The following EVI5 variants were observed in gnomAD, a reference collection of about 807,000 sequenced individuals.
EVI5 encodes ecotropic viral integration site 5 protein homolog.
In EVI5, 73 loss-of-function variants were observed where a neutral mutation model predicts 112.0. That is an observed-to-expected ratio of 0.65 (90% CI 0.54 to 0.79). The LOEUF is 0.79. Among genes scored for constraint, EVI5 ranks in the 30% least tolerant of loss-of-function variants. The pLI, the probability that EVI5 is intolerant of heterozygous loss-of-function variation, is 0.00. For missense variants in EVI5, 900 were observed against 968.8 expected, an observed-to-expected ratio of 0.93 and a Z score of 0.94; for synonymous variants, 305 against 319.9, an observed-to-expected ratio of 0.95 and a Z score of 0.50.
chr1:92,553,977 T>C (rs867811049), intron 19 of EVI5, among the ~76,000 whole-genome samples: 10 of 152,346 alleles, frequency 6.6e-5, no homozygotes, highest in African/African-American at 2.2e-4. Flanking sequence ...ATGAATTGGA[T>C]TGACTTTTTG....
intron 2 of EVI5, among the ~76,000 whole-genome samples, chr1:92,718,220 T>C (rs1470468315): frequency 1.3e-5 from 2 of 152,060 alleles, no homozygotes; most frequent in Admixed American, 6.6e-5. Flanking sequence ...AACTCTCCAC[T>C]GCAAATCAAC....
chr1:92,786,077 C>T (rs1362477661), upstream of EVI5, among the ~76,000 whole-genome samples: 1 of 137,436 alleles, frequency 7.3e-6, no homozygotes. Context: ...GGCGACAGAA[C>T]GATACTCTGT....
At chr1:92,738,657 C>T (rs1351224351) in intron 1 of EVI5, among the ~76,000 whole-genome samples, 1 of 152,088 alleles carries the variant, frequency 6.6e-6, no homozygotes, top group Non-Finnish European at 1.5e-5. Context: ...GGAATTCAGC[C>T]TATAACTACT....
intron 2 of EVI5, among the ~76,000 whole-genome samples, chr1:92,731,775 A>G (rs1430361826): frequency 3.9e-5 from 6 of 152,220 alleles, no homozygotes; most frequent in African/African-American, 4.8e-5. Flanking sequence ...ACAAAAATGC[A>G]AAAGTAATTA....
rs1356647020 is a variant in EVI5, at chr1:92,574,952, A to G, written c.2071-11215T>C. The stretch of plus-strand genomic sequence containing the variant: ...CCATAGGTTTTAAAATACACTACAC[A>G]ATTGGACAGGTTGCTTACAAGTTGT... On this transcript the variant is annotated intron_variant, in intron 18 of 19. Coordinates refer to ENST00000684568, the MANE Select transcript of EVI5 (RefSeq NM_001350197.2). 2.6e-5 allele frequency among the ~76,000 whole-genome samples: 4 copies of G among 152,186 alleles called. No homozygotes were observed. In the East Asian group the frequency reaches 5.8e-4, roughly 22 times the overall value.
At chr1:92,725,469 G>A (rs6700724) in intron 2 of EVI5, among the ~76,000 whole-genome samples, 3 of 151,958 alleles carry the variant, frequency 2.0e-5, no homozygotes, top group East Asian at 3.9e-4. Flanking sequence ...AGTCAAACAC[G>A]ACAAGATAAA....
At position 92,663,462 on chromosome 1, in the gene EVI5, G is replaced by A; in HGVS notation, c.1213-10C>T. 7.5e-7 allele frequency: 1 copy of A among 1,325,474 alleles called. No homozygotes were observed. 82.1% of individuals were successfully genotyped at this position (1,325,474 alleles called of 1,614,324 possible). A position where few individuals can be genotyped will look rare whatever the true frequency, so the allele number is the denominator to read the frequency against. ...CCAAGGAAGCACTTTCCTACAAAAG[G>A]AAAAATTCAGATAGAAATATAAGAG... On this transcript the variant is annotated splice_polypyrimidine_tract_variant and intron_variant, in intron 11 of 19. Coordinates refer to ENST00000684568, the MANE Select transcript of EVI5 (RefSeq NM_001350197.2).
chr1:92,664,519 G>T (rs1664558578), intron 11 of EVI5, among the ~76,000 whole-genome samples: 1 of 146,882 alleles, frequency 6.8e-6, no homozygotes, highest in Non-Finnish European at 1.5e-5. Flanking sequence ...ATGCATATTT[G>T]ACTGTAAGCT....
intron 1 of EVI5, 32 bp from the exon 2 acceptor site, chr1:92,736,659 T>C: frequency 3.0e-6 from 4 of 1,351,270 alleles, no homozygotes; most frequent in Non-Finnish European, 4.2e-6. Context: ...GCATATACTT[T>C]AGTTACACTG....
intron 19 of EVI5, among the ~76,000 whole-genome samples, chr1:92,530,370 C>G (rs1398596856): frequency 6.6e-6 from 1 of 152,160 alleles, no homozygotes; most frequent in Non-Finnish European, 1.5e-5. Flanking sequence ...CCTCAGCAGA[C>G]TTATACATCC....
At chr1:92,559,403 C>T (rs978399919) in intron 19 of EVI5, among the ~76,000 whole-genome samples, 1 of 152,054 alleles carries the variant, frequency 6.6e-6, no homozygotes, top group Non-Finnish European at 1.5e-5. Flanking sequence ...TCAAAATAAC[C>T]ATTTCATTTT....
rs1156229789 is a variant in EVI5 at position 92,677,649 on chromosome 1, C to G, written c.1098-431G>C. Among the ~76,000 whole-genome samples the G allele has an allele frequency of 5.3e-5, 8 of 152,126 alleles. No homozygotes were observed. The East Asian group carries it at 1.4e-3, about 26-fold the overall frequency. ...GGGGACAACTCTTCCTTATAGAATT[C>G]CAATTAATAGACATAGGAGGAATAA... On this transcript the variant is annotated intron_variant, in intron 9 of 19. Coordinates refer to ENST00000684568, the MANE Select transcript of EVI5 (RefSeq NM_001350197.2).
intron 19 of EVI5, among the ~76,000 whole-genome samples, chr1:92,563,177 C>T (rs1434729180): frequency 5.3e-5 from 8 of 152,112 alleles, no homozygotes; most frequent in Admixed American, 5.2e-4. Context: ...ACTAAGAAAT[C>T]TGTTAACTGA....
chr1:92,564,575 T>C (rs2100915314), intron 18 of EVI5, among the ~76,000 whole-genome samples: 1 of 152,326 alleles, frequency 6.6e-6, no homozygotes, highest in East Asian at 1.9e-4. Context: ...CCTAAGAGTT[T>C]GTTTCAGGTG....
At chr1:92,781,668 G>A (rs539114128) in intron 1 of EVI5, among the ~76,000 whole-genome samples, 1 of 151,886 alleles carries the variant, frequency 6.6e-6, no homozygotes, top group Non-Finnish European at 1.5e-5. Context: ...AGAATCTCAG[G>A]CTGGGTGCAG....
At chr1:92,744,380 A>C (rs1312451319) in intron 1 of EVI5, among the ~76,000 whole-genome samples, 1 of 152,160 alleles carries the variant, frequency 6.6e-6, no homozygotes, top group Admixed American at 6.5e-5. Context: ...CTGCTACACT[A>C]TAAATTACTG....
chr1:92,749,547 G>A lies in EVI5; in HGVS notation c.-81-12920C>T, dbSNP rs543787907. Among the ~76,000 whole-genome samples, 98 of 151,822 alleles carry A rather than the reference G, an allele frequency of 6.5e-4. 1 individual carries two copies. Among genetic ancestry groups the A allele is most frequent in the Non-Finnish European group, 9.7e-4 (66 of 67,926 alleles). ...AGACCTTGTCTATCATAAACCAGAT[G>A]CTCAATAAATGTCTCTGTGGAATAA... On this transcript the variant is annotated intron_variant, in intron 1 of 19. Transcript: ENST00000684568.
intron 1 of EVI5, chr1:92,749,066 C>CAAAA (rs60282362): frequency 2.9e-5 from 3 of 104,518 alleles, no homozygotes; most frequent in Non-Finnish European, 3.8e-5. Flanking sequence ...AACTCTGTCT[C>CAAAA]AAAAAAAAAA....
At chr1:92,668,687 A>C (rs1466933583) in intron 10 of EVI5, among the ~76,000 whole-genome samples, 1 of 152,214 alleles carries the variant, frequency 6.6e-6, no homozygotes, top group Non-Finnish European at 1.5e-5. Flanking sequence ...TTAAAAAATA[A>C]ATCACCACTT....
Sources: gnomAD v4.1 joint callset for allele counts (sites outside exome capture counted in the v4.1 genomes callset) on GRCh38, gnomAD v4.1.1 for gene constraint, MANE v1.5 for transcripts, NCBI Gene and HGNC (gene_info 2026-07-23, HGNC 2026-07-21) for gene names.